LARGE1: variants seen among roughly 807,000 people sequenced by gnomAD.
LARGE1 encodes LARGE xylosyl- and glucuronyltransferase 1, also known as xylosyl- and glucuronyltransferase LARGE1.
A neutral mutation model predicts 87.6 loss-of-function variants in LARGE1; 43 were observed. The observed-to-expected ratio is 0.49, with a 90% CI of 0.38 to 0.63. The LOEUF (loss-of-function observed/expected upper bound fraction) is 0.63, where lower values mean the gene tolerates loss of function less well. Among genes scored for constraint, LARGE1 ranks in the 30% least tolerant of loss-of-function variants. The pLI is 0.00. For synonymous variants in LARGE1, 434 were observed against 394.6 expected (o/e 1.10, Z -1.18); for missense variants, 802 against 1,000.2 (o/e 0.80, Z 2.67).
At chr22:33,479,981 G>C (rs946335127) in intron 6 of LARGE1, among the ~76,000 whole-genome samples, 1 of 152,166 alleles carries the variant, frequency 6.6e-6, no homozygotes, top group Non-Finnish European at 1.5e-5. Context: ...CTGACCTCAG[G>C]TGATCTGACT....
At chr22:33,702,666 C>T (rs748560172) in intron 2 of LARGE1, among the ~76,000 whole-genome samples, 8 of 152,270 alleles carry the variant, frequency 5.3e-5, no homozygotes, top group South Asian at 4.1e-4. Flanking sequence ...CCTTGGGATG[C>T]CTCTATGGTG....
At chr22:33,083,372 T>G in the LARGE1 span, among the ~76,000 whole-genome samples, 1 of 152,214 alleles carries the variant, frequency 6.6e-6, no homozygotes, top group Non-Finnish European at 1.5e-5. Flanking sequence ...CTGATGGAAT[T>G]TGTCTTCCTT....
At chr22:33,503,552 G>A (rs2070611039) in intron 6 of LARGE1, among the ~76,000 whole-genome samples, 1 of 152,124 alleles carries the variant, frequency 6.6e-6, no homozygotes, top group South Asian at 2.1e-4. Flanking sequence ...CAATAATTAA[G>A]CACTTTGGGA....
intron 11 of LARGE1, among the ~76,000 whole-genome samples, chr22:33,244,562 C>CA (rs1926669550): frequency 6.6e-6 from 1 of 152,164 alleles, no homozygotes; most frequent in Non-Finnish European, 1.5e-5. Context: ...AAGCACTTTG[C>CA]AGGACAACCT....
At chr22:33,156,455 C>T in the LARGE1 span, among the ~76,000 whole-genome samples, 1 of 152,158 alleles carries the variant, frequency 6.6e-6, no homozygotes, top group Non-Finnish European at 1.5e-5. Context: ...TATTTTTGAG[C>T]TTTAAGGTTT....
At chr22:33,076,582 C>T in the LARGE1 span, among the ~76,000 whole-genome samples, 1 of 152,050 alleles carries the variant, frequency 6.6e-6, no homozygotes, top group Non-Finnish European at 1.5e-5. Context: ...TTCCTGCTGT[C>T]CGTGGTGCTG....
chr22:33,867,911 G>A (rs1024543673), intron 1 of LARGE1, among the ~76,000 whole-genome samples: 4 of 152,104 alleles, frequency 2.6e-5, no homozygotes, highest in African/African-American at 7.2e-5. Context: ...GTACCAGTTC[G>A]GTCACTATCT....
At chr22:33,104,950 TTTC>T in the LARGE1 span, among the ~76,000 whole-genome samples, 301 of 145,278 alleles carry the variant, frequency 2.1e-3, 1 homozygote, top group Middle Eastern at 3.4e-3. Flanking sequence ...TTTCTTTCTC[TTTC>T]TCTCTTTCTC....
chr22:33,831,355 A>C (rs2146333606), intron 1 of LARGE1, among the ~76,000 whole-genome samples: 1 of 152,290 alleles, frequency 6.6e-6, no homozygotes, highest in Non-Finnish European at 1.5e-5. Flanking sequence ...GCGTGCATAC[A>C]TGCACCCCCC....
At chr22:33,592,081 AGGAGG>A (rs1010096969) in intron 5 of LARGE1, among the ~76,000 whole-genome samples, 43 of 45,730 alleles carry the variant, frequency 9.4e-4, no homozygotes, top group African/African-American at 3.1e-3. Context: ...GGGAGGAGAG[AGGAGG>A]GGAGGGGAGG....
Position 33,283,367 on chromosome 22 carries a change from C to T in LARGE1, c.1731-19G>A. 1 of 1,614,068 alleles carries T rather than the reference C, an allele frequency of 6.2e-7. No homozygotes were observed. Among genetic ancestry groups the T allele is most frequent in the Non-Finnish European group, 8.5e-7 (1 of 1,179,944 alleles). The stretch of plus-strand genomic sequence containing the variant: ...AGACTTCCTGAAAAGAGGGGACAGG[C>T]AGAGAGACAGAGTCCCTGTGACACC... On this transcript the variant is annotated intron_variant, in intron 12 of 14. Transcript: ENST00000397394.
At chr22:33,179,050 G>T (rs1923027032) in intron 11 of LARGE1, among the ~76,000 whole-genome samples, 1 of 152,164 alleles carries the variant, frequency 6.6e-6, no homozygotes, top group South Asian at 2.1e-4. Flanking sequence ...GTCAGCCCAG[G>T]CCTTGATGTT....
At chr22:33,724,389 A>G (rs1429621848) in intron 2 of LARGE1, 1 of 152,250 alleles carries the variant, frequency 6.6e-6, no homozygotes. Flanking sequence ...TAATACAAAG[A>G]CCACGGGTCT....
intron 5 of LARGE1, among the ~76,000 whole-genome samples, chr22:33,600,396 G>A (rs2079082033): frequency 6.6e-6 from 1 of 152,150 alleles, no homozygotes. Flanking sequence ...CGGTATAGGA[G>A]ATAGACATCT....
chr22:33,161,137 G>A (rs1031371706), downstream of LARGE1, among the ~76,000 whole-genome samples: 2 of 152,146 alleles, frequency 1.3e-5, no homozygotes, highest in Non-Finnish European at 2.9e-5. Flanking sequence ...AGCAAGTGGG[G>A]AAAAGCCCGT....
chr22:33,727,519 G>A (rs960586568), intron 2 of LARGE1: 1 of 152,248 alleles, frequency 6.6e-6, no homozygotes, highest in Non-Finnish European at 1.5e-5. Flanking sequence ...AAAACAGAAC[G>A]TGGAGAGAGA....
chr22:33,312,271 G>A (rs965261134), intron 11 of LARGE1, among the ~76,000 whole-genome samples: 7 of 151,906 alleles, frequency 4.6e-5, no homozygotes, highest in Admixed American at 3.3e-4. Context: ...GTGAAACCCC[G>A]TCTCTACTAA....
In LARGE1 at chr22:33,542,374, TCTGTGTCTCCATTC is replaced by T. The variant is rs938895234; in HGVS notation, c.787+22460_787+22473del. Among the ~76,000 whole-genome samples the T allele has an allele frequency of 4.1e-4, 62 of 151,828 alleles. 1 individual carries two copies. The highest frequency in any genetic ancestry group is 1.2e-4 in the Non-Finnish European group (8 of 67,990). ...GGCAGATTTCGTCATTCTTCCTCAC[TCTGTGTCTCCATTC>T]CTGCCTTGGACAGTGTTTCATGCCG... is the stretch of plus-strand genomic sequence containing the variant. On this transcript the variant is annotated intron_variant, in intron 6 of 14. Coordinates refer to ENST00000397394, the MANE Select transcript of LARGE1 (RefSeq NM_133642.5).
chr22:33,089,380 T>TCTC, the LARGE1 span, among the ~76,000 whole-genome samples: 2 of 133,094 alleles, frequency 1.5e-5, no homozygotes, highest in Admixed American at 7.5e-5. Flanking sequence ...TCCTTCTTCT[T>TCTC]CTTCTTCCTC....
Sources: allele counts gnomAD v4.1 joint callset (sites outside exome capture counted in the v4.1 genomes callset), GRCh38; gene constraint gnomAD v4.1.1; transcripts MANE v1.5; gene names NCBI Gene and HGNC (gene_info 2026-07-23, HGNC 2026-07-21).